Variants in CAST observed in about 807,000 individuals in gnomAD.
CAST encodes MIR583 host.
CAST carries 76 observed loss-of-function variants against 119.6 expected under a neutral mutation model. That is an observed-to-expected ratio of 0.64 (90% CI 0.53 to 0.77). CAST has a LOEUF of 0.77. Among genes scored for constraint, CAST ranks in the 30% least tolerant of loss-of-function variants. The pLI is 0.00. For missense variants in CAST, 953 were observed against 946.5 expected, an observed-to-expected ratio of 1.01 and a Z score of -0.09; for synonymous variants, 319 against 331.6, an observed-to-expected ratio of 0.96 and a Z score of 0.41.
chr5:96,283,694 C>A, the CAST span, among the ~76,000 whole-genome samples: 1 of 152,176 alleles, frequency 6.6e-6, no homozygotes. Context: ...TTAGGTGAGG[C>A]TCCCATTTGT....
the CAST span, among the ~76,000 whole-genome samples, chr5:96,258,720 T>G: frequency 3.9e-5 from 6 of 152,224 alleles, no homozygotes; most frequent in African/African-American, 1.4e-4. Flanking sequence ...TGTCCTCTCC[T>G]AATAGCATAG....
the CAST span, among the ~76,000 whole-genome samples, chr5:96,023,737 A>G: frequency 3.3e-5 from 5 of 152,274 alleles, no homozygotes; most frequent in East Asian, 9.6e-4. Context: ...TAGCAATGTT[A>G]TGAGTCAAGC....
chr5:96,327,657 C>T, the CAST span, among the ~76,000 whole-genome samples: 1 of 152,154 alleles, frequency 6.6e-6, no homozygotes, highest in Non-Finnish European at 1.5e-5. Context: ...CTTGGGTTAG[C>T]ACAAAATAAA....
chr5:96,071,331 C>G, the CAST span, among the ~76,000 whole-genome samples: 1 of 152,122 alleles, frequency 6.6e-6, no homozygotes, highest in African/African-American at 2.4e-5. Context: ...CTACTACCAC[C>G]ATTACCATCT....
chr5:96,351,716 C>G, the CAST span, among the ~76,000 whole-genome samples: 1 of 151,942 alleles, frequency 6.6e-6, no homozygotes, highest in Non-Finnish European at 1.5e-5. Flanking sequence ...TGTTAGAAAA[C>G]AGTCTTTAAA....
chr5:96,108,599 A>G, the CAST span, among the ~76,000 whole-genome samples: 863 of 152,306 alleles, frequency 5.7e-3, 13 homozygotes, highest in African/African-American at 0.02. Flanking sequence ...CTCCAGCTGC[A>G]TTCTGGGAGA....
intron 1 of CAST, 52 bp downstream of exon 1, chr5:96,662,549 C>A (rs1376122014): frequency 7.5e-7 from 1 of 1,330,616 alleles, no homozygotes; most frequent in South Asian, 2.0e-5. Flanking sequence ...GGTACCGGGT[C>A]CCGGAGCTGT....
At chr5:96,183,052 T>C in the CAST span, among the ~76,000 whole-genome samples, 1 of 151,774 alleles carries the variant, frequency 6.6e-6, no homozygotes, top group Non-Finnish European at 1.5e-5. Flanking sequence ...GGCAGGAGAA[T>C]GGCGTGAACC....
At chr5:96,665,033 TA>T (rs1206243420) in intron 1 of CAST, among the ~76,000 whole-genome samples, 1 of 152,248 alleles carries the variant, frequency 6.6e-6, no homozygotes, top group African/African-American at 2.4e-5. Context: ...TCTATGCTTT[TA>T]ACCCTGTTTT....
At chr5:96,430,597 C>T in the CAST span, among the ~76,000 whole-genome samples, 2 of 152,138 alleles carry the variant, frequency 1.3e-5, no homozygotes, top group Admixed American at 6.5e-5. Context: ...CAATAAGGTA[C>T]CCAATATAGT....
the CAST span, among the ~76,000 whole-genome samples, chr5:96,082,316 T>C: frequency 6.6e-6 from 1 of 152,348 alleles, no homozygotes; most frequent in African/African-American, 2.4e-5. Flanking sequence ...GGTTGGCTAT[T>C]GTGTGCCACA....
chr5:96,053,674 C>T, the CAST span, among the ~76,000 whole-genome samples: 5 of 152,198 alleles, frequency 3.3e-5, no homozygotes, highest in Admixed American at 6.5e-5. Context: ...TGACTTTTCA[C>T]AGATACATTT....
At chr5:96,432,814 G>C in the CAST span, 1 of 1,527,690 alleles carries the variant, frequency 6.5e-7, no homozygotes, top group East Asian at 2.3e-5. Context: ...CTCCAGTCCC[G>C]CCAGTCCCCT....
At chr5:95,998,681 A>G in the CAST span, among the ~76,000 whole-genome samples, 5 of 152,106 alleles carry the variant, frequency 3.3e-5, no homozygotes, top group African/African-American at 1.2e-4. Flanking sequence ...GGTTGATTTC[A>G]TATCTTTGGT....
chr5:96,208,973 T>TC, the CAST span, among the ~76,000 whole-genome samples: 1 of 152,188 alleles, frequency 6.6e-6, no homozygotes, highest in South Asian at 2.1e-4. Flanking sequence ...TTCACAGGTC[T>TC]CTAACAAGTT....
the CAST span, among the ~76,000 whole-genome samples, chr5:96,193,297 C>G: frequency 2.6e-5 from 4 of 151,986 alleles, no homozygotes; most frequent in African/African-American, 9.7e-5. Flanking sequence ...ACTATGATAT[C>G]ATGCGATATT....
chr5:96,354,177 G>A, the CAST span, among the ~76,000 whole-genome samples: 1 of 152,124 alleles, frequency 6.6e-6, no homozygotes, highest in African/African-American at 2.4e-5. Flanking sequence ...CCTGAACCAA[G>A]TGAGAGCCCC....
At chr5:96,606,111 C>G (rs1747248124) in intron 1 of CAST, among the ~76,000 whole-genome samples, 1 of 151,924 alleles carries the variant, frequency 6.6e-6, no homozygotes, top group African/African-American at 2.4e-5. Context: ...CACAGGTACC[C>G]ACAAAGTGGT....
At chr5:96,406,143 A>C in the CAST span, among the ~76,000 whole-genome samples, 1 of 152,164 alleles carries the variant, frequency 6.6e-6, no homozygotes, top group African/African-American at 2.4e-5. Context: ...TAGGAAGAGA[A>C]GAAGTTTGTA....
Sources: gnomAD v4.1 joint callset for allele counts (sites outside exome capture counted in the v4.1 genomes callset) on GRCh38, gnomAD v4.1.1 for gene constraint, MANE v1.5 for transcripts, NCBI Gene and HGNC (gene_info 2026-07-23, HGNC 2026-07-21) for gene names.